The following ASIC2 variants were observed in gnomAD, a reference collection of about 807,000 sequenced individuals.
The protein encoded by ASIC2 is acid-sensing ion channel 2.
Under a neutral mutation model 57.3 loss-of-function variants are expected in ASIC2, and 25 were observed. The observed-to-expected ratio is 0.44, with a 90% CI of 0.32 to 0.61. The LOEUF is 0.61. ASIC2 is among the 20% of genes least tolerant of loss of function. ASIC2 has a pLI of 0.06. For missense variants in ASIC2, 641 were observed against 738.1 expected, an observed-to-expected ratio of 0.87 and a Z score of 1.52; for synonymous variants, 319 against 307.5, an observed-to-expected ratio of 1.04 and a Z score of -0.39.
At chr17:33,377,886 C>T (rs1444451540) in intron 1 of ASIC2, among the ~76,000 whole-genome samples, 1 of 152,214 alleles carries the variant, frequency 6.6e-6, no homozygotes, top group Non-Finnish European at 1.5e-5. Context: ...ATCCAGAGAT[C>T]ACTGCATGCT....
chr17:33,506,560 C>T (rs1433961784), intron 1 of ASIC2, among the ~76,000 whole-genome samples: 2 of 152,114 alleles, frequency 1.3e-5, no homozygotes, highest in Non-Finnish European at 2.9e-5. Context: ...CCTTGATTAG[C>T]ACTAATTATG....
chr17:33,766,628 G>GATTATT (rs1180113432), intron 1 of ASIC2, among the ~76,000 whole-genome samples: 1 of 151,996 alleles, frequency 6.6e-6, no homozygotes, highest in Admixed American at 6.6e-5. Context: ...CTAAATGTGG[G>GATTATT]ATTATTATTA....
chr17:33,447,145 T>G (rs905751), intron 1 of ASIC2, among the ~76,000 whole-genome samples: 2 of 151,966 alleles, frequency 1.3e-5, no homozygotes, highest in African/African-American at 2.4e-5. Context: ...TGAGTTTAGG[T>G]CCTGGTACAT....
chr17:33,614,384 C>T lies in ASIC2; in HGVS notation c.556-502317G>A, dbSNP rs533707936. Among the ~76,000 whole-genome samples, 3 of 152,234 alleles carry T rather than the reference C, an allele frequency of 2.0e-5. 1 individual carries two copies. The South Asian group carries it at 6.2e-4, about 32-fold the overall frequency. ...CCAAATCCCTTAACTGATTGCTTACCTGGTGGGTTGGGCTGTACCAAGGTC... is the reference window on the plus strand; with the variant it reads ...CCAAATCCCTTAACTGATTGCTTACTTGGTGGGTTGGGCTGTACCAAGGTC... On this transcript the variant is annotated intron_variant, in intron 1 of 9. Coordinates refer to the ASIC2 transcript ENST00000359872.
intron 5 of ASIC2, among the ~76,000 whole-genome samples, chr17:33,025,504 C>T (rs971949559): frequency 2.0e-5 from 3 of 152,136 alleles, no homozygotes; most frequent in Non-Finnish European, 4.4e-5. Flanking sequence ...ATCACCTTGG[C>T]CTCCCCATGT....
chr17:33,512,301 G>C (rs1914452322), intron 1 of ASIC2, among the ~76,000 whole-genome samples: 1 of 152,176 alleles, frequency 6.6e-6, no homozygotes, highest in South Asian at 2.1e-4. Context: ...GGAAGAATTG[G>C]CAAAACATGA....
At chr17:33,422,897 C>G (rs1430114975) in intron 1 of ASIC2, among the ~76,000 whole-genome samples, 1 of 152,072 alleles carries the variant, frequency 6.6e-6, no homozygotes, top group Non-Finnish European at 1.5e-5. Context: ...GGAACTGAGA[C>G]TAAAGGCAGG....
intron 1 of ASIC2, chr17:34,004,691 A>C (rs549469407): frequency 8.5e-5 from 13 of 152,312 alleles, no homozygotes; most frequent in African/African-American, 2.9e-4. Flanking sequence ...GTTAGGACAA[A>C]GACTAAACCA....
At chr17:33,207,302 C>G (rs990403814) in intron 1 of ASIC2, among the ~76,000 whole-genome samples, 3 of 152,176 alleles carry the variant, frequency 2.0e-5, no homozygotes, top group African/African-American at 7.2e-5. Flanking sequence ...AACAAATATT[C>G]TTATTCTCAT....
chr17:33,141,590 G>A (rs904453333), intron 1 of ASIC2, among the ~76,000 whole-genome samples: 1 of 152,192 alleles, frequency 6.6e-6, no homozygotes, highest in African/African-American at 2.4e-5. Flanking sequence ...AAACACTTTG[G>A]TGTTGTAAGG....
intron 1 of ASIC2, among the ~76,000 whole-genome samples, chr17:33,831,319 T>C (rs962320434): frequency 6.6e-6 from 1 of 151,934 alleles, no homozygotes; most frequent in Non-Finnish European, 1.5e-5. Context: ...GAGATTGAAA[T>C]AGGTTGTGAA....
intron 1 of ASIC2, among the ~76,000 whole-genome samples, chr17:33,845,268 C>T (rs922481797): frequency 6.6e-6 from 1 of 152,066 alleles, no homozygotes; most frequent in South Asian, 2.1e-4. Flanking sequence ...TATAGTAAGA[C>T]CTTTTTCCAT....
chr17:33,830,090 T>A (rs545186295), intron 1 of ASIC2, among the ~76,000 whole-genome samples: 2 of 152,198 alleles, frequency 1.3e-5, no homozygotes, highest in Non-Finnish European at 2.9e-5. Flanking sequence ...GTTTTAAAAA[T>A]AAATTATATT....
chr17:33,130,828 C>A (rs117153930), intron 1 of ASIC2, among the ~76,000 whole-genome samples: 1 of 152,080 alleles, frequency 6.6e-6, no homozygotes, highest in East Asian at 1.9e-4. Context: ...CCTAAGCCTG[C>A]GGAGAGGGGA....
At position 33,475,412 on chromosome 17, in the gene ASIC2, C is replaced by T. The variant is rs1597742297; in HGVS notation, c.556-363345G>A. ...AGTGTTCACCTATCTGTGTTTTTTACACTTTTCCTAGATATCACTGCTTTA... is the reference window on the plus strand; with the variant it reads ...AGTGTTCACCTATCTGTGTTTTTTATACTTTTCCTAGATATCACTGCTTTA... On this transcript the variant is annotated intron_variant, in intron 1 of 9. Transcript: ENST00000359872. Among the ~76,000 whole-genome samples the T allele has an allele frequency of 3.3e-5, 5 of 152,132 alleles. No individual in the cohort carries two copies. The South Asian group carries it at 8.3e-4, about 25-fold the overall frequency.
intron 1 of ASIC2, among the ~76,000 whole-genome samples, chr17:33,317,416 T>C (rs796576853): frequency 6.6e-5 from 10 of 152,314 alleles, no homozygotes; most frequent in African/African-American, 2.4e-4. Context: ...TATACTTGCA[T>C]TGTCAACATC....
chr17:33,183,360 T>G (rs765484992), intron 1 of ASIC2, among the ~76,000 whole-genome samples: 2 of 151,978 alleles, frequency 1.3e-5, no homozygotes, highest in Non-Finnish European at 2.9e-5. Context: ...ATGAGGGGAG[T>G]TAATGAAAAA....
intron 1 of ASIC2, among the ~76,000 whole-genome samples, chr17:34,018,870 G>A (rs992879180): frequency 6.6e-6 from 1 of 151,848 alleles, no homozygotes; most frequent in African/African-American, 2.4e-5. Context: ...CAGATGAGGG[G>A]TTGTTTTTTA....
chr17:34,030,232 G>A (rs80059753), intron 1 of ASIC2, among the ~76,000 whole-genome samples: 1 of 152,180 alleles, frequency 6.6e-6, no homozygotes, highest in African/African-American at 2.4e-5. Context: ...ATGCACTTCT[G>A]CCCTGCTCCT....
Sources: allele counts gnomAD v4.1 joint callset (sites outside exome capture counted in the v4.1 genomes callset), GRCh38; gene constraint gnomAD v4.1.1; transcripts MANE v1.5; gene names NCBI Gene and HGNC (gene_info 2026-07-23, HGNC 2026-07-21).